Variants in FAM229B observed in about 807,000 individuals in gnomAD.
FAM229B encodes the protein protein FAM229B.
In FAM229B, 2 loss-of-function variants were observed where a neutral mutation model predicts 6.7. That is an observed-to-expected ratio of 0.30 (90% CI 0.12 to 0.94). FAM229B has a LOEUF of 0.94. Among genes scored for constraint, FAM229B ranks in the 40% least tolerant of loss-of-function variants. FAM229B has a pLI of 0.54. For synonymous variants in FAM229B, 29 were observed against 34.0 expected, an observed-to-expected ratio of 0.85 and a Z score of 0.51; for missense variants, 93 against 96.2, an observed-to-expected ratio of 0.97 and a Z score of 0.14.
intron 1 of FAM229B, among the ~76,000 whole-genome samples, chr6:112,093,154 C>T (rs1259896130): frequency 6.6e-6 from 1 of 151,486 alleles, no homozygotes; most frequent in African/African-American, 2.4e-5. Context: ...TACAAGAAAC[C>T]CACTTGGAAT....
At chr6:112,095,559 G>C (rs782280533) in intron 1 of FAM229B, among the ~76,000 whole-genome samples, 30 of 140,782 alleles carry the variant, frequency 2.1e-4, no homozygotes, top group Non-Finnish European at 3.5e-4. Context: ...TTGATTCCAG[G>C]AGGTCGAGGC....
At chr6:112,089,950 G>T (rs782336927) in intron 1 of FAM229B, among the ~76,000 whole-genome samples, 11 of 152,118 alleles carry the variant, frequency 7.2e-5, no homozygotes, top group African/African-American at 2.7e-4. Context: ...ACCAAGACAT[G>T]CAGCCTCATT....
At chr6:112,089,165 A>G (rs1389672760) in intron 1 of FAM229B, among the ~76,000 whole-genome samples, 1 of 152,188 alleles carries the variant, frequency 6.6e-6, no homozygotes, top group Admixed American at 6.5e-5. Context: ...GTTTTATTGT[A>G]GTGATAGCTG....
rs1262255785 is a variant in FAM229B, at chr6:112,100,539, C to T, written c.126-131C>T. The T allele has an allele frequency of 1.1e-5, 7 of 632,718 alleles. No individual in the cohort carries two copies. In the East Asian group the frequency reaches 1.4e-4, roughly 12 times the overall value. The allele number at this position is 632,718 out of a possible 1,614,324, so 39.2% of individuals were successfully genotyped here. A position where few individuals can be genotyped will look rare whatever the true frequency, so the allele number is the denominator to read the frequency against. On this transcript the variant is annotated intron_variant, in intron 3 of 3. Transcript: ENST00000368656. ...GCCTCGTCAGCATCACCATGTTGTA[C>T]TCATTGTATGACATTCAGAGATTTC...
chr6:112,100,564 C>A, intron 3 of FAM229B, 106 bp from the exon 4 acceptor site: 1 of 720,244 alleles, frequency 1.4e-6, no homozygotes, highest in Non-Finnish European at 2.4e-6. Context: ...TCAGAGATTT[C>A]AAAGTGATTT....
At chr6:112,100,575 A>G (rs1777383812) in intron 3 of FAM229B, 95 bp from the exon 4 acceptor site, 2 of 786,176 alleles carry the variant, frequency 2.5e-6, no homozygotes, top group Non-Finnish European at 4.3e-6. Context: ...AAAGTGATTT[A>G]AAACAGTTAA....
At chr6:112,094,451 A>C (rs1380291428) in intron 1 of FAM229B, among the ~76,000 whole-genome samples, 3 of 152,128 alleles carry the variant, frequency 2.0e-5, no homozygotes, top group African/African-American at 2.4e-5. Context: ...CTTTACTAGC[A>C]TGACCTTTCC....
rs987540377 is a variant in FAM229B, at chr6:112,087,612, A to T, written c.-284A>T. 1 of 654,802 alleles carries T rather than the reference A, an allele frequency of 1.5e-6. No individual in the cohort carries two copies. Among genetic ancestry groups the T allele is most frequent in the Non-Finnish European group, 2.6e-6 (1 of 387,892 alleles). The allele number at this position is 654,802 out of a possible 1,614,324, so 40.6% of individuals were successfully genotyped here. A position where few individuals can be genotyped will look rare whatever the true frequency, so the allele number is the denominator to read the frequency against. On this transcript the variant is annotated 5_prime_UTR_variant, in exon 1 of 4. Transcript: ENST00000368656. ...TTCCGTCAGAAGGCCGCGCAAGTGC[A>T]CTTGCGTGTCACCGTTACCGTAGCG...
At position 112,089,810 on chromosome 6, in the gene FAM229B, C is replaced by T. The variant is rs1293104372; in HGVS notation, c.-176+2090C>T. Reference sequence around the variant, plus strand: ...ATGTATGAAGGAGACAAAGATGGCTCAACATAAGATTAACATGTGCCCACA... The same window carrying T: ...ATGTATGAAGGAGACAAAGATGGCTTAACATAAGATTAACATGTGCCCACA... On this transcript the variant is annotated intron_variant, in intron 1 of 3. Coordinates refer to ENST00000368656, the MANE Select transcript of FAM229B (RefSeq NM_001033564.3). Among the ~76,000 whole-genome samples, 3 of 151,336 alleles carry T rather than the reference C, an allele frequency of 2.0e-5. No individual in the cohort carries two copies. In the East Asian group the frequency reaches 5.8e-4, roughly 29 times the overall value.
rs1777395969 is a variant in FAM229B at position 112,101,314 on chromosome 6, C to A, written c.*527C>A. The A allele has an allele frequency of 6.6e-6, 1 of 152,262 alleles. No individual in the cohort carries two copies. Among genetic ancestry groups the A allele is most frequent in the African/African-American group, 2.4e-5 (1 of 41,436 alleles). The allele number at this position is 152,262 out of a possible 1,614,324, so 9.4% of individuals were successfully genotyped here. On this transcript the variant is annotated 3_prime_UTR_variant, in exon 4 of 4. Transcript: ENST00000368656. ...ACAGTATTCAAGATCAAAGAAAGTT[C>A]TTAGTCCATGGTTAATCTGCAAGGC...
At chr6:112,099,241 GT>G in intron 2 of FAM229B, 28 bp from the exon 3 acceptor site, 2 of 1,587,916 alleles carry the variant, frequency 1.3e-6, no homozygotes, top group Non-Finnish European at 1.7e-6. Flanking sequence ...TCTAATCTAG[GT>G]TTTCAATATT....
chr6:112,092,098 A>G (rs1481746460), intron 1 of FAM229B, among the ~76,000 whole-genome samples: 1 of 152,160 alleles, frequency 6.6e-6, no homozygotes, highest in Non-Finnish European at 1.5e-5. Flanking sequence ...TCAACAGTGT[A>G]ATATACATGT....
rs76293168 is a variant in FAM229B, at chr6:112,094,567, A to G, written c.-175-2474A>G. Reference sequence around the variant, plus strand: ...CCCATCTCTTAGATTTAGATTAAATATCCTAGACTAAAACAAATCCTATCG... The same window carrying G: ...CCCATCTCTTAGATTTAGATTAAATGTCCTAGACTAAAACAAATCCTATCG... On this transcript the variant is annotated intron_variant, in intron 1 of 3. Coordinates refer to ENST00000368656, the MANE Select transcript of FAM229B (RefSeq NM_001033564.3). 5.2e-3 allele frequency among the ~76,000 whole-genome samples: 797 copies of G among 152,196 alleles called. 9 individuals carry two copies. The highest frequency in any genetic ancestry group is 0.019 in the African/African-American group (770 of 41,474).
chr6:112,094,696 A>T (rs1012928469), intron 1 of FAM229B, among the ~76,000 whole-genome samples: 1 of 152,224 alleles, frequency 6.6e-6, no homozygotes, highest in Non-Finnish European at 1.5e-5. Flanking sequence ...CTCAGCAAAT[A>T]TTCATTAAAT....
rs1777337290 is a variant in FAM229B, at chr6:112,097,170, A to T, written c.-46A>T. 1.3e-5 allele frequency: 2 copies of T among 152,160 alleles called. No homozygotes were observed. Among genetic ancestry groups the T allele is most frequent in the Non-Finnish European group, 2.9e-5 (2 of 68,026 alleles). 9.4% of individuals were successfully genotyped at this position (152,160 alleles called of 1,614,324 possible). ...GCCAGTAGAAAGCATTGATTTATTC[A>T]CCTCTACAGGAATCAGACTCAGCCT... On this transcript the variant is annotated 5_prime_UTR_variant, in exon 2 of 4. Coordinates refer to ENST00000368656, the MANE Select transcript of FAM229B (RefSeq NM_001033564.3).
intron 2 of FAM229B, among the ~76,000 whole-genome samples, chr6:112,098,637 G>C (rs1457960604): frequency 3.3e-5 from 5 of 152,206 alleles, no homozygotes; most frequent in African/African-American, 9.6e-5. Context: ...TGACTATAGA[G>C]AAGCAGTGGG....
chr6:112,093,133 T>C (rs1777279216), intron 1 of FAM229B, among the ~76,000 whole-genome samples: 1 of 151,858 alleles, frequency 6.6e-6, no homozygotes, highest in African/African-American at 2.4e-5. Flanking sequence ...AAGACTCAAA[T>C]ATATACTGCT....
At chr6:112,091,947 A>T (rs1187570329) in intron 1 of FAM229B, among the ~76,000 whole-genome samples, 1 of 152,122 alleles carries the variant, frequency 6.6e-6, no homozygotes, top group Non-Finnish European at 1.5e-5. Flanking sequence ...TGAAAAATGG[A>T]TGGAATAAAG....
At chr6:112,094,241 A>G (rs1194601751) in intron 1 of FAM229B, among the ~76,000 whole-genome samples, 1 of 152,216 alleles carries the variant, frequency 6.6e-6, no homozygotes, top group Non-Finnish European at 1.5e-5. Flanking sequence ...AATAGAAAAT[A>G]GAGAAAAATC....
Sources: gnomAD v4.1 joint callset for allele counts (sites outside exome capture counted in the v4.1 genomes callset) on GRCh38, gnomAD v4.1.1 for gene constraint, MANE v1.5 for transcripts, NCBI Gene and HGNC (gene_info 2026-07-23, HGNC 2026-07-21) for gene names.